RGS12: variants seen among roughly 807,000 people sequenced by gnomAD.
RGS12 encodes regulator of G protein signaling 12, also known as regulator of G-protein signaling 12.
Under a neutral mutation model 120.1 loss-of-function variants are expected in RGS12, and 66 were observed. That is an observed-to-expected ratio of 0.55 (90% CI 0.45 to 0.67). The LOEUF is 0.67. Among genes scored for constraint, RGS12 ranks in the 30% least tolerant of loss-of-function variants. The pLI, the probability that RGS12 is intolerant of heterozygous loss-of-function variation, is 0.00. For missense variants in RGS12, 1,859 were observed against 1,957.7 expected, an observed-to-expected ratio of 0.95 and a Z score of 0.95; for synonymous variants, 827 against 804.7, an observed-to-expected ratio of 1.03 and a Z score of -0.47.
At position 3,320,564 on chromosome 4, in the gene RGS12, G is replaced by A. The variant is rs539699506; in HGVS notation, c.1881+2513G>A. 3.3e-5 allele frequency among the ~76,000 whole-genome samples: 5 copies of A among 152,366 alleles called. No homozygotes were observed. In the South Asian group the frequency reaches 8.3e-4, roughly 25 times the overall value. ...GGGACCAAGACAGCCCTGGCGCTCC[G>A]TGTGGGATTTGGAGTGGCCTTCATA... On this transcript the variant is annotated intron_variant, in intron 2 of 17. Transcript: ENST00000336727.
chr4:3,380,506 G>A (rs1718149224), intron 3 of RGS12, among the ~76,000 whole-genome samples: 1 of 152,218 alleles, frequency 6.6e-6, no homozygotes, highest in South Asian at 2.1e-4. Context: ...CCCTAGCAGA[G>A]GTTCTGCACG....
Position 3,406,567 on chromosome 4 carries a change from G to T in RGS12, c.2021-7505G>T, listed in dbSNP as rs551467083. On this transcript the variant is annotated intron_variant, in intron 4 of 17. Coordinates refer to ENST00000336727, the MANE Select transcript of RGS12 (RefSeq NM_001394154.1). ...GGCCATGCCCATTCCTGCAGTTGCTGTCGGGGGCCGCTTCTGTCCTAACTG... is the reference window on the plus strand; with the variant it reads ...GGCCATGCCCATTCCTGCAGTTGCTTTCGGGGGCCGCTTCTGTCCTAACTG... Among the ~76,000 whole-genome samples the T allele has an allele frequency of 3.7e-4, 57 of 152,380 alleles. 1 individual carries two copies. The South Asian group carries it at 0.012, about 31-fold the overall frequency.
chr4:3,419,291 A>T (rs1430417697), intron 9 of RGS12: 1 of 151,158 alleles, frequency 6.6e-6, no homozygotes, highest in African/African-American at 2.4e-5. Flanking sequence ...AGATTGTGCC[A>T]TTGAACTCCA....
chr4:3,317,607 C>A lies in RGS12; in HGVS notation c.1437C>A (p.Asp479Glu), dbSNP rs1724872657. ...CCTGGACTGGGCCCTTCTGTCCGGA[C>A]CCCGAAGGGAGCCCCCCATTTGAGG... ...GAPWTGPFCP[D>E]PEGSPPFEAA... Residue 479 changes from aspartate to glutamate, a missense_variant, in exon 2 of 18, where the codon GAC becomes GAA. This residue lies in a region of RGS12 where 967 missense variants were observed against 994.2 expected (regional missense o/e 0.97). Coordinates refer to ENST00000336727, the MANE Select transcript of RGS12 (RefSeq NM_001394154.1). 6.3e-7 allele frequency: 1 copy of A among 1,587,030 alleles called. No individual in the cohort carries two copies. The highest frequency in any genetic ancestry group is 8.6e-7 in the Non-Finnish European group (1 of 1,165,750).
intron 4 of RGS12, among the ~76,000 whole-genome samples, chr4:3,409,011 T>C (rs1303522872): frequency 6.6e-6 from 1 of 152,234 alleles, no homozygotes; most frequent in Non-Finnish European, 1.5e-5. Context: ...GACTGCAACC[T>C]CTTTCCCTTC....
At chr4:3,423,421 G>C in intron 12 of RGS12, 94 bp from the exon 13 acceptor site, 1 of 1,518,830 alleles carries the variant, frequency 6.6e-7, no homozygotes, top group Non-Finnish European at 9.0e-7. Flanking sequence ...GGCCTTGAGG[G>C]CGGCCTGGGG....
At chr4:3,420,243 A>C (rs111343943) in intron 9 of RGS12, 45 of 261,022 alleles carry the variant, frequency 1.7e-4, no homozygotes, top group African/African-American at 1.0e-3. Flanking sequence ...CAGAAACTAC[A>C]TTTGGGGATG....
Position 3,316,250 on chromosome 4 carries a change from G to T in RGS12, c.80G>T (p.Arg27Leu). The change falls in exon 2 of 18, where the codon CGG becomes CTG. Residue 27 changes from arginine (R) to leucine (L), a missense_variant. This residue lies in a region of RGS12 where 967 missense variants were observed against 994.2 expected (regional missense o/e 0.97). Transcript: ENST00000336727. ...PPRVRSVEVA[R>L]GRAGYGFTLS... ...AGGGTGCGGAGTGTGGAGGTTGCCC[G>T]GGGGAGGGCCGGCTACGGATTCACG... 6.2e-7 allele frequency: 1 copy of T among 1,613,300 alleles called. No homozygotes were observed. The highest frequency in any genetic ancestry group is 8.5e-7 in the Non-Finnish European group (1 of 1,179,472).
intron 4 of RGS12, among the ~76,000 whole-genome samples, chr4:3,388,094 T>G (rs146086244): frequency 0.02 from 2,975 of 152,246 alleles, 105 homozygotes; most frequent in African/African-American, 0.062. Context: ...AGAGATCCCC[T>G]GGTGCTAGGG....
rs753628102 is a variant in RGS12, at chr4:3,317,865, C to A, written c.1695C>A (p.Ser565=). 1.9e-6 allele frequency: 3 copies of A among 1,613,724 alleles called. No individual in the cohort carries two copies. The East Asian group carries it at 6.7e-5, about 36-fold the overall frequency. The part of the protein sequence containing the change: ...DSYTDSTDGW[S]SINCGTLPPP... Reference sequence around the variant, plus strand: ...ACACAGATTCCACCGATGGCTGGTCCAGCATCAACTGCGGCACACTGCCCC... The same window carrying A: ...ACACAGATTCCACCGATGGCTGGTCAAGCATCAACTGCGGCACACTGCCCC... The change falls in exon 2 of 18, where the codon TCC becomes TCA. Residue 565 remains serine, a synonymous_variant. Coordinates refer to ENST00000336727, the MANE Select transcript of RGS12 (RefSeq NM_001394154.1).
At chr4:3,329,512 C>T (rs1396881215) in intron 2 of RGS12, among the ~76,000 whole-genome samples, 1 of 152,108 alleles carries the variant, frequency 6.6e-6, no homozygotes, top group Non-Finnish European at 1.5e-5. Flanking sequence ...CCAAGTGACA[C>T]CTGAGAGGCT....
intron 17 of RGS12, among the ~76,000 whole-genome samples, chr4:3,439,220 C>T (rs909075334): frequency 6.6e-6 from 1 of 152,104 alleles, no homozygotes; most frequent in Non-Finnish European, 1.5e-5. Context: ...GGGTCGGCTC[C>T]CCCACTTGGT....
intron 7 of RGS12, 150 bp downstream of exon 7, chr4:3,416,271 T>G: frequency 1.1e-6 from 1 of 900,630 alleles, no homozygotes; most frequent in Non-Finnish European, 1.7e-6. Flanking sequence ...AGTGGGGCTT[T>G]CAGTAGGGTA....
intron 3 of RGS12, among the ~76,000 whole-genome samples, chr4:3,367,532 A>G (rs1352605293): frequency 6.6e-6 from 1 of 152,264 alleles, no homozygotes; most frequent in African/African-American, 2.4e-5. Context: ...AGGGAGGTGG[A>G]GCACGAAGCA....
At chr4:3,323,568 A>T (rs1450432405) in intron 2 of RGS12, among the ~76,000 whole-genome samples, 1 of 152,210 alleles carries the variant, frequency 6.6e-6, no homozygotes, top group African/African-American at 2.4e-5. Flanking sequence ...TATCAATTTT[A>T]AAAACTCTTC....
chr4:3,409,962 C>T (rs186495706), intron 4 of RGS12, among the ~76,000 whole-genome samples: 4 of 152,342 alleles, frequency 2.6e-5, no homozygotes, highest in South Asian at 2.1e-4. Flanking sequence ...CGTGCTGCTC[C>T]GTGCTGGCTC....
At chr4:3,419,305 T>C (rs1325118007) in intron 9 of RGS12, 1 of 147,636 alleles carries the variant, frequency 6.8e-6, no homozygotes, top group Non-Finnish European at 1.5e-5. Context: ...AACTCCAGCC[T>C]GGGCAACAGA....
chr4:3,287,636 GACA>G, the RGS12 span, among the ~76,000 whole-genome samples: 2 of 152,260 alleles, frequency 1.3e-5, no homozygotes, highest in Non-Finnish European at 2.9e-5. Context: ...TTTATTTGGT[GACA>G]ACGTCCCTAA....
rs1288212315 is a variant in RGS12 at position 3,422,470 on chromosome 4, T to A, written c.2933T>A (p.Val978Asp). The part of the protein sequence containing the change: ...LPDGTSCVVA[V>D]KAGFSIKDIL... The stretch of plus-strand genomic sequence containing the variant: ...GATGGGACATCCTGCGTGGTGGCTG[T>A]CAAGGCGGGCTTCTCCATCAAAGAC... The change falls in exon 11 of 18, where the codon GTC (valine) becomes GAC (aspartate). Residue 978 changes from valine to aspartate, a missense_variant. Transcript: ENST00000336727. 1 of 1,613,102 alleles carries A rather than the reference T, an allele frequency of 6.2e-7. No homozygotes were observed. The highest frequency in any genetic ancestry group is 1.7e-5 in the Admixed American group (1 of 60,030).
Sources: gnomAD v4.1 joint callset for allele counts (sites outside exome capture counted in the v4.1 genomes callset) on GRCh38, gnomAD v4.1.1 for gene constraint, gnomAD v4.1.1 regional missense constraint, MANE v1.5 for transcripts, NCBI Gene and HGNC (gene_info 2026-07-23, HGNC 2026-07-21) for gene names.